Variants in TMEM117 observed in about 807,000 individuals in gnomAD.
The protein encoded by TMEM117 is transmembrane protein 117.
TMEM117 carries 27 observed loss-of-function variants against 52.4 expected under a neutral mutation model. The ratio of observed to expected loss-of-function variants is 0.51; its 90% CI spans 0.38 to 0.71. The LOEUF is 0.71. TMEM117 is among the 30% of genes least tolerant of loss of function. The probability of loss-of-function intolerance (pLI) is 0.00; values close to 1 mark genes in which losing one functional copy is unlikely to be tolerated. For synonymous variants in TMEM117, 215 were observed against 206.3 expected, an observed-to-expected ratio of 1.04 and a Z score of -0.36; for missense variants, 556 against 630.5, an observed-to-expected ratio of 0.88 and a Z score of 1.26.
the TMEM117 span, among the ~76,000 whole-genome samples, chr12:44,399,108 A>T: frequency 6.6e-6 from 1 of 152,320 alleles, no homozygotes; most frequent in African/African-American, 2.4e-5. Context: ...TATAACAAGG[A>T]TATGCTGAGA....
chr12:43,821,518 C>T, the TMEM117 span, among the ~76,000 whole-genome samples: 13 of 152,308 alleles, frequency 8.5e-5, no homozygotes, highest in Admixed American at 7.8e-4. Context: ...TGGGCTGAAG[C>T]AATCCTCCCA....
intron 4 of TMEM117, among the ~76,000 whole-genome samples, chr12:44,164,573 C>G (rs1166985135): frequency 2.0e-5 from 3 of 152,036 alleles, no homozygotes; most frequent in Admixed American, 6.6e-5. Flanking sequence ...GAAAAAAAAC[C>G]CTTGTAAAAG....
At chr12:44,289,625 TC>T (rs1180139377) in intron 5 of TMEM117, among the ~76,000 whole-genome samples, 1 of 146,104 alleles carries the variant, frequency 6.8e-6, no homozygotes, top group Non-Finnish European at 1.5e-5. Flanking sequence ...CAATCTCAGC[TC>T]ACTGCAACCT....
intron 3 of TMEM117, among the ~76,000 whole-genome samples, chr12:44,076,492 T>C (rs1021593006): frequency 6.6e-6 from 1 of 152,238 alleles, no homozygotes; most frequent in African/African-American, 2.4e-5. Context: ...TGGATCATTA[T>C]TGTGGTGTTA....
chr12:44,317,520 A>T (rs901718422), intron 6 of TMEM117, among the ~76,000 whole-genome samples: 6 of 151,856 alleles, frequency 4.0e-5, no homozygotes, highest in African/African-American at 1.5e-4. Flanking sequence ...TCAGCCTCCC[A>T]AGTAGGTGGG....
At chr12:44,204,137 T>C (rs774036988) in intron 4 of TMEM117, among the ~76,000 whole-genome samples, 16 of 152,280 alleles carry the variant, frequency 1.1e-4, no homozygotes, top group Non-Finnish European at 1.9e-4. Context: ...GGAAGCCAAA[T>C]TCTCTCTCTT....
intron 3 of TMEM117, among the ~76,000 whole-genome samples, chr12:44,111,052 A>T (rs1948047094): frequency 1.3e-4 from 1 of 7,442 alleles, no homozygotes; most frequent in Admixed American, 2.1e-3. Flanking sequence ...CGGTGGTGAT[A>T]TCCCCTTTTT....
intron 3 of TMEM117, among the ~76,000 whole-genome samples, chr12:44,037,825 A>G (rs1946734241): frequency 6.6e-6 from 1 of 151,950 alleles, no homozygotes; most frequent in Non-Finnish European, 1.5e-5. Context: ...CCAGCTGCAG[A>G]GAGGAGCTAC....
intron 2 of TMEM117, among the ~76,000 whole-genome samples, chr12:43,861,875 C>T (rs1005567308): frequency 5.9e-5 from 9 of 152,124 alleles, no homozygotes; most frequent in East Asian, 1.9e-4. Context: ...CAATTGTGGT[C>T]GGTCATTCCT....
chr12:44,077,727 G>A (rs1283726399), intron 3 of TMEM117, among the ~76,000 whole-genome samples: 1 of 152,080 alleles, frequency 6.6e-6, no homozygotes, highest in Non-Finnish European at 1.5e-5. Flanking sequence ...AATTTCACCT[G>A]CAATTGTGAC....
chr12:44,026,614 GTTATAC>G (rs1325894472), intron 3 of TMEM117, among the ~76,000 whole-genome samples: 4 of 151,958 alleles, frequency 2.6e-5, no homozygotes, highest in Non-Finnish European at 5.9e-5. Flanking sequence ...TTATCTTTCT[GTTATAC>G]TTATGAGAGT....
At chr12:44,088,532 C>T (rs1001028824) in intron 3 of TMEM117, among the ~76,000 whole-genome samples, 25 of 152,294 alleles carry the variant, frequency 1.6e-4, no homozygotes, top group African/African-American at 6.0e-4. Flanking sequence ...CTAGTTCTAT[C>T]ACAGCCTCTG....
chr12:44,194,269 G>GA (rs1442899569), intron 4 of TMEM117, among the ~76,000 whole-genome samples: 1 of 152,116 alleles, frequency 6.6e-6, no homozygotes, highest in Non-Finnish European at 1.5e-5. Context: ...ATTTCTTTCG[G>GA]AAAAAGCTTA....
intron 3 of TMEM117, among the ~76,000 whole-genome samples, chr12:44,021,707 C>A (rs1395601844): frequency 1.3e-5 from 2 of 152,202 alleles, no homozygotes; most frequent in Admixed American, 6.5e-5. Context: ...GCCCTTTGAT[C>A]CCTCTAACCC....
chr12:44,321,049 G>C (rs912412596), intron 6 of TMEM117, among the ~76,000 whole-genome samples: 7 of 152,154 alleles, frequency 4.6e-5, no homozygotes, highest in African/African-American at 1.7e-4. Flanking sequence ...TCGGATCAAT[G>C]TACTTGTGTG....
At chr12:43,929,568 A>G (rs1475381542) in intron 2 of TMEM117, among the ~76,000 whole-genome samples, 3 of 152,178 alleles carry the variant, frequency 2.0e-5, no homozygotes, top group South Asian at 2.1e-4. Flanking sequence ...ACTTAAGTAT[A>G]CAGTTTTGTA....
intron 3 of TMEM117, among the ~76,000 whole-genome samples, chr12:44,004,428 C>T (rs575575544): frequency 7.9e-5 from 12 of 152,214 alleles, no homozygotes; most frequent in African/African-American, 2.2e-4. Flanking sequence ...AGCATCTATC[C>T]GGGATGCCAG....
At chr12:44,361,708 A>G (rs910200704) in intron 6 of TMEM117, among the ~76,000 whole-genome samples, 5 of 152,172 alleles carry the variant, frequency 3.3e-5, no homozygotes, top group African/African-American at 1.2e-4. Flanking sequence ...AATGAACACC[A>G]CACGGTAGTC....
chr12:44,396,247 G>A, the TMEM117 span, among the ~76,000 whole-genome samples: 2 of 151,862 alleles, frequency 1.3e-5, no homozygotes, highest in African/African-American at 4.8e-5. Flanking sequence ...TTTGGAATCC[G>A]CTTTTCCACC....
Sources: gnomAD v4.1 joint callset for allele counts (sites outside exome capture counted in the v4.1 genomes callset) on GRCh38, gnomAD v4.1.1 for gene constraint, MANE v1.5 for transcripts, NCBI Gene and HGNC (gene_info 2026-07-23, HGNC 2026-07-21) for gene names.